DLD: variants seen among roughly 807,000 people sequenced by gnomAD.
The protein encoded by DLD is dihydrolipoyl dehydrogenase, mitochondrial.
Under a neutral mutation model 62.2 loss-of-function variants are expected in DLD, and 36 were observed. That is an observed-to-expected ratio of 0.58 (90% CI 0.44 to 0.76). The LOEUF is 0.76. DLD is among the 30% of genes least tolerant of loss of function. The probability of loss-of-function intolerance (pLI) is 0.00; values close to 1 mark genes in which losing one functional copy is unlikely to be tolerated. For missense variants in DLD, 541 were observed against 608.6 expected, an observed-to-expected ratio of 0.89 and a Z score of 1.17; for synonymous variants, 204 against 199.6, an observed-to-expected ratio of 1.02 and a Z score of -0.19.
At position 107,893,256 on chromosome 7, in the gene DLD, G is replaced by C. The variant is rs765623212; in HGVS notation, c.96G>C (p.Leu32=). 3.1e-6 allele frequency: 5 copies of C among 1,613,170 alleles called. No homozygotes were observed. The East Asian group carries it at 8.9e-5, about 29-fold the overall frequency. ...TACAGGGACTTTCTGCAGTGCCTCT[G>C]AGAACTTACGCAGATCAGCCGAGTA... is the stretch of plus-strand genomic sequence containing the variant. ...HGLQGLSAVP[L]RTYADQPIDA... The change falls in exon 2 of 14, where the codon CTG becomes CTC. Residue 32 remains leucine (L), a synonymous_variant. Coordinates refer to ENST00000205402, the MANE Select transcript of DLD (RefSeq NM_000108.5).
intron 1 of DLD, among the ~76,000 whole-genome samples, chr7:107,892,040 A>G (rs767439485): frequency 6.6e-6 from 1 of 152,192 alleles, no homozygotes; most frequent in Non-Finnish European, 1.5e-5. Flanking sequence ...AGTTAATGTA[A>G]CATTCTGCAA....
chr7:107,891,997 T>C (rs2031591082), intron 1 of DLD, among the ~76,000 whole-genome samples: 2 of 152,178 alleles, frequency 1.3e-5, no homozygotes, highest in African/African-American at 2.4e-5. Context: ...TCAAACCCTT[T>C]TGTTTCAGAG....
chr7:107,919,456 G>A lies in DLD; in HGVS notation c.*197G>A, dbSNP rs1219937689. ...TACATAAATTTAGTATTTTGTTTCA[G>A]TGCACTAATGTGTAAGACAAAAAGC... is the stretch of plus-strand genomic sequence containing the variant. On this transcript the variant is annotated 3_prime_UTR_variant, in exon 14 of 14. Coordinates refer to ENST00000205402, the MANE Select transcript of DLD (RefSeq NM_000108.5). 19 of 511,496 alleles carry A rather than the reference G, an allele frequency of 3.7e-5. No homozygotes were observed. The highest frequency in any genetic ancestry group is 5.8e-5 in the Non-Finnish European group (17 of 292,564). 31.7% of individuals were successfully genotyped at this position (511,496 alleles called of 1,614,324 possible). A position where few individuals can be genotyped will look rare whatever the true frequency, so the allele number is the denominator to read the frequency against.
At chr7:107,911,766 A>T (rs1437606970) in intron 8 of DLD, among the ~76,000 whole-genome samples, 2 of 151,972 alleles carry the variant, frequency 1.3e-5, no homozygotes, top group Non-Finnish European at 2.9e-5. Flanking sequence ...TGATAATTTG[A>T]TATATTCATA....
At chr7:107,917,768 T>G (rs2116273215) in intron 11 of DLD, among the ~76,000 whole-genome samples, 156 bp from the exon 12 acceptor site, 1 of 152,374 alleles carries the variant, frequency 6.6e-6, no homozygotes, top group South Asian at 2.1e-4. Flanking sequence ...GAGATATAGT[T>G]CATTAACCAG....
chr7:107,892,826 G>A (rs912405247), intron 1 of DLD, among the ~76,000 whole-genome samples: 1 of 152,162 alleles, frequency 6.6e-6, no homozygotes, highest in African/African-American at 2.4e-5. Context: ...GGCATTACAG[G>A]CGTGAGCCAC....
intron 1 of DLD, among the ~76,000 whole-genome samples, chr7:107,892,670 C>T (rs760101974): frequency 9.2e-5 from 14 of 152,080 alleles, no homozygotes; most frequent in African/African-American, 3.4e-4. Context: ...CTTGGCCTCC[C>T]GAGTAGCTGG....
chr7:107,901,609 C>T (rs865785531), intron 2 of DLD, 129 bp from the exon 3 acceptor site: 5 of 746,428 alleles, frequency 6.7e-6, no homozygotes, highest in African/African-American at 3.5e-5. Flanking sequence ...AGTGCAGAAA[C>T]TATGTAGAAA....
At chr7:107,895,822 G>A (rs2031706842) in intron 2 of DLD, among the ~76,000 whole-genome samples, 6 of 152,160 alleles carry the variant, frequency 3.9e-5, no homozygotes. Flanking sequence ...ACCTTTTACT[G>A]TAATTCTTTT....
Position 107,903,490 on chromosome 7 carries a change from A to T in DLD, c.280A>T (p.Asn94Tyr). 1 of 1,587,414 alleles carries T rather than the reference A, an allele frequency of 6.3e-7. No homozygotes were observed. The highest frequency in any genetic ancestry group is 1.1e-5 in the South Asian group (1 of 90,466). ...TAATTTCCTTTAGGCTTTATTGAAC[A>T]ACTCTCATTATTACCATATGGCCCA... ...GCIPSKALLN[N>Y]SHYYHMAHGK... The change falls in exon 5 of 14, where the codon AAC becomes TAC. Residue 94 changes from asparagine (N) to tyrosine (Y), a missense_variant. Coordinates refer to ENST00000205402, the MANE Select transcript of DLD (RefSeq NM_000108.5).
chr7:107,891,188 C>G lies in DLD; in HGVS notation c.-63C>G. On this transcript the variant is annotated 5_prime_UTR_variant, in exon 1 of 14. Transcript: ENST00000205402. ...CATGCGCAGGGAGGGGAGACCTTGG[C>G]GGAGCGGCGGAGGCGCCCAGCGGAG... is the stretch of plus-strand genomic sequence containing the variant. The G allele has an allele frequency of 6.3e-7, 1 of 1,598,848 alleles. No homozygotes were observed. The highest frequency in any genetic ancestry group is 8.6e-7 in the Non-Finnish European group (1 of 1,167,324).
At chr7:107,914,694 G>T (rs191771454) in intron 8 of DLD, among the ~76,000 whole-genome samples, 126 of 152,202 alleles carry the variant, frequency 8.3e-4, no homozygotes, top group African/African-American at 2.9e-3. Context: ...TGAATTACCA[G>T]ATGATTTTAA....
At chr7:107,915,434 T>G in intron 8 of DLD, 72 bp from the exon 9 acceptor site, 1 of 1,501,488 alleles carries the variant, frequency 6.7e-7, no homozygotes, top group South Asian at 1.1e-5. Context: ...TACAATAAAT[T>G]ATTAAGATGA....
chr7:107,891,446 GGGC>G (rs2031570929), intron 1 of DLD, 157 bp downstream of exon 1: 1 of 797,786 alleles, frequency 1.3e-6, no homozygotes, highest in Non-Finnish European at 2.1e-6. Context: ...GCCCGGCCCT[GGGC>G]TCCGAGGTGG....
chr7:107,894,127 TA>T (rs2031659335), intron 2 of DLD, among the ~76,000 whole-genome samples: 1 of 152,234 alleles, frequency 6.6e-6, no homozygotes, highest in South Asian at 2.1e-4. Context: ...ATATGCATTT[TA>T]TTTTTTTAAG....
intron 12 of DLD, 114 bp from the exon 13 acceptor site, chr7:107,918,896 A>G: frequency 2.3e-6 from 2 of 866,310 alleles, no homozygotes; most frequent in South Asian, 2.8e-5. Flanking sequence ...CAACTGATAA[A>G]GAAACAGATT....
intron 8 of DLD, among the ~76,000 whole-genome samples, chr7:107,913,640 T>C (rs533410073): frequency 6.6e-4 from 100 of 152,142 alleles, no homozygotes; most frequent in Non-Finnish European, 1.0e-3. Flanking sequence ...GTGGAGTCTT[T>C]AGGTTTTTCT....
In DLD at chr7:107,891,243, G is replaced by T. The variant is rs372155330; in HGVS notation, c.-8G>T. 149 of 1,614,016 alleles carry T rather than the reference G, an allele frequency of 9.2e-5. No individual in the cohort carries two copies. The highest frequency in any genetic ancestry group is 4.0e-5 in the Non-Finnish European group (47 of 1,179,962). ...AAGTATTGGCGGAAAGGAAAATACA[G>T]CGGAAAAATGCAGAGCTGGAGTCGT... is the stretch of plus-strand genomic sequence containing the variant. On this transcript the variant is annotated 5_prime_UTR_variant, in exon 1 of 14. Coordinates refer to ENST00000205402, the MANE Select transcript of DLD (RefSeq NM_000108.5).
At chr7:107,903,743 C>G in intron 5 of DLD, 196 bp downstream of exon 5, 1 of 460,242 alleles carries the variant, frequency 2.2e-6, no homozygotes. Flanking sequence ...CAAGTATAAC[C>G]AAGCCTAACC....
Sources: allele counts gnomAD v4.1 joint callset (sites outside exome capture counted in the v4.1 genomes callset), GRCh38; gene constraint gnomAD v4.1.1; transcripts MANE v1.5; gene names NCBI Gene and HGNC (gene_info 2026-07-23, HGNC 2026-07-21).